The following WWOX variants were observed in gnomAD, a reference collection of about 807,000 sequenced individuals.
WWOX encodes WW domain containing oxidoreductase.
WWOX carries 69 observed loss-of-function variants against 46.2 expected under a neutral mutation model. That is an observed-to-expected ratio of 1.49 (90% CI 1.23 to 1.82). The LOEUF is 1.82. WWOX is among the 40% of genes most tolerant of loss of function. The pLI, the probability that WWOX is intolerant of heterozygous loss-of-function variation, is 0.00. For missense variants in WWOX, 919 were observed against 542.6 expected (o/e 1.69, Z -6.89); for synonymous variants, 359 against 202.6 (o/e 1.77, Z -6.56).
intron 8 of WWOX, among the ~76,000 whole-genome samples, chr16:78,831,274 C>T (rs2051815288): frequency 6.6e-6 from 1 of 152,206 alleles, no homozygotes; most frequent in South Asian, 2.1e-4. Flanking sequence ...CTAGTGCTTT[C>T]AGCAAAGAAT....
intron 5 of WWOX, among the ~76,000 whole-genome samples, chr16:78,233,329 T>G (rs1238639579): frequency 6.6e-6 from 1 of 152,024 alleles, no homozygotes; most frequent in Admixed American, 6.6e-5. Flanking sequence ...GTAAAAACAC[T>G]TAACATGAGA....
intron 8 of WWOX, among the ~76,000 whole-genome samples, chr16:78,574,414 T>C (rs907390485): frequency 2.6e-5 from 4 of 152,118 alleles, no homozygotes; most frequent in African/African-American, 9.7e-5. Context: ...CAACTTGAAG[T>C]ATCTTCTCTC....
intron 8 of WWOX, among the ~76,000 whole-genome samples, chr16:78,771,812 T>G (rs150843753): frequency 0.02 from 2,728 of 135,840 alleles, 39 homozygotes; most frequent in South Asian, 0.046. Flanking sequence ...AATAAATAAA[T>G]AAGAGTTGGA....
At chr16:78,946,365 A>C (rs2045948289) in intron 8 of WWOX, among the ~76,000 whole-genome samples, 2 of 151,808 alleles carry the variant, frequency 1.3e-5, no homozygotes, top group East Asian at 1.9e-4. Flanking sequence ...AATTTTTTGT[A>C]TTTTTAGTAG....
At chr16:78,785,468 C>G (rs2050433119) in intron 8 of WWOX, among the ~76,000 whole-genome samples, 1 of 152,170 alleles carries the variant, frequency 6.6e-6, no homozygotes, top group South Asian at 2.1e-4. Flanking sequence ...CTCTGAAAAA[C>G]AAACAAACAC....
intron 5 of WWOX, among the ~76,000 whole-genome samples, chr16:78,368,946 C>G (rs1231455926): frequency 1.3e-5 from 2 of 152,166 alleles, no homozygotes; most frequent in African/African-American, 2.4e-5. Context: ...TCTACTGCTC[C>G]TCATAGACTT....
chr16:79,203,663 A>G (rs978664586), intron 8 of WWOX: 12 of 152,252 alleles, frequency 7.9e-5, no homozygotes, highest in Middle Eastern at 6.8e-3. Flanking sequence ...TGGTTTTCTA[A>G]AAGACGTAAT....
intron 5 of WWOX, among the ~76,000 whole-genome samples, chr16:78,165,135 G>T (rs1183106530): frequency 1.3e-5 from 2 of 152,198 alleles, no homozygotes; most frequent in Admixed American, 1.3e-4. Context: ...ATGGGTATCT[G>T]GTAGACTCTG....
chr16:79,115,739 C>T (rs1050061497), intron 8 of WWOX, among the ~76,000 whole-genome samples: 4 of 152,150 alleles, frequency 2.6e-5, no homozygotes, highest in African/African-American at 7.2e-5. Flanking sequence ...ATAGGACTGA[C>T]CTGCGTGTAG....
At position 78,099,889 on chromosome 16, in the gene WWOX, A is replaced by G; in HGVS notation, c.107+4A>G. 1 of 1,558,840 alleles carries G rather than the reference A, an allele frequency of 6.4e-7. No individual in the cohort carries two copies. The highest frequency in any genetic ancestry group is 8.7e-7 in the Non-Finnish European group (1 of 1,152,354). ...ACGGCTGGGTTTACTACGCCAAGTA[A>G]GGGGGCCGCAGTGGGGCCGCGGACG... On this transcript the variant is annotated splice_donor_region_variant and intron_variant, in intron 1 of 8. Transcript: ENST00000566780.
At chr16:79,207,404 G>T (rs1243403958) in intron 8 of WWOX, among the ~76,000 whole-genome samples, 1 of 152,214 alleles carries the variant, frequency 6.6e-6, no homozygotes, top group Non-Finnish European at 1.5e-5. Flanking sequence ...TGGGAACACT[G>T]CCGTCTTCAA....
chr16:78,994,804 C>T (rs762564003), intron 8 of WWOX, among the ~76,000 whole-genome samples: 5 of 152,094 alleles, frequency 3.3e-5, no homozygotes, highest in African/African-American at 7.2e-5. Context: ...AGCAGGGTTT[C>T]GCCGTGTCAT....
rs187973006 is a variant in WWOX, at chr16:78,645,590, C to T, written c.1056+212838C>T. Reference sequence around the variant, plus strand: ...AAGGGGAGCCAGCATGTTCAGAGAACATATAGGGAGAAAGGGAGCAAGAGA... The same window carrying T: ...AAGGGGAGCCAGCATGTTCAGAGAATATATAGGGAGAAAGGGAGCAAGAGA... On this transcript the variant is annotated intron_variant, in intron 8 of 8. Transcript: ENST00000566780. Among the ~76,000 whole-genome samples, 148 of 152,126 alleles carry T rather than the reference C, an allele frequency of 9.7e-4. 1 individual carries two copies. The highest frequency in any genetic ancestry group is 3.4e-3 in the African/African-American group (142 of 41,486).
intron 8 of WWOX, among the ~76,000 whole-genome samples, chr16:78,853,946 C>T (rs1216454330): frequency 6.6e-6 from 1 of 152,076 alleles, no homozygotes; most frequent in Non-Finnish European, 1.5e-5. Flanking sequence ...AAACATATGC[C>T]TTTTTATTTC....
intron 8 of WWOX, among the ~76,000 whole-genome samples, chr16:79,025,116 C>CTTGTTTTGTTTTGTTTTGTT (rs200030802): frequency 2.1e-5 from 2 of 96,618 alleles, no homozygotes; most frequent in African/African-American, 7.2e-5. Flanking sequence ...GGAAGGTGGG[C>CTTGTTTTGTTTTGTTTTGTT]TTGTTTTGTT....
intron 8 of WWOX, among the ~76,000 whole-genome samples, chr16:79,117,305 G>T (rs2049536288): frequency 6.6e-6 from 1 of 152,042 alleles, no homozygotes; most frequent in African/African-American, 2.4e-5. Flanking sequence ...CACCACACTG[G>T]ACCAAGCAGA....
intron 8 of WWOX, among the ~76,000 whole-genome samples, chr16:78,746,409 G>C (rs1395321069): frequency 6.6e-6 from 1 of 152,090 alleles, no homozygotes; most frequent in African/African-American, 2.4e-5. Context: ...GAGGCAGGAG[G>C]ATCAACTGAG....
chr16:78,592,178 C>T (rs1316211365), intron 8 of WWOX, among the ~76,000 whole-genome samples: 1 of 152,108 alleles, frequency 6.6e-6, no homozygotes, highest in African/African-American at 2.4e-5. Context: ...GTCTGCTAGG[C>T]AAAGAAGCTT....
At chr16:79,114,604 A>G (rs1428488551) in intron 8 of WWOX, among the ~76,000 whole-genome samples, 1 of 152,094 alleles carries the variant, frequency 6.6e-6, no homozygotes, top group Non-Finnish European at 1.5e-5. Flanking sequence ...GCGCAGCGCC[A>G]GAGACACCTT....
Sources: gnomAD v4.1 joint callset for allele counts (sites outside exome capture counted in the v4.1 genomes callset) on GRCh38, gnomAD v4.1.1 for gene constraint, MANE v1.5 for transcripts, NCBI Gene and HGNC (gene_info 2026-07-23, HGNC 2026-07-21) for gene names.